Variants in SEC61A1 observed in about 807,000 individuals in gnomAD.
SEC61A1 encodes protein transport protein Sec61 subunit alpha isoform 1.
A neutral mutation model predicts 55.2 loss-of-function variants in SEC61A1; 15 were observed. The ratio of observed to expected loss-of-function variants is 0.27; its 90% CI spans 0.18 to 0.42. The LOEUF is 0.42. SEC61A1 is among the 10% of genes least tolerant of loss of function. SEC61A1 has a pLI of 1.00. For synonymous variants in SEC61A1, 247 were observed against 234.0 expected (o/e 1.06, Z -0.51); for missense variants, 284 against 602.6 (o/e 0.47, Z 5.53).
intron 5 of SEC61A1, 94 bp downstream of exon 5, chr3:128,056,934 T>A (rs1410629118): frequency 4.2e-6 from 4 of 945,360 alleles, no homozygotes; most frequent in East Asian, 3.4e-5. Context: ...TTATTTATTT[T>A]TTATTTTTTT....
In SEC61A1 at chr3:128,067,870, T is replaced by G; in HGVS notation, c.1168-113T>G. ...CTTGCGGCAGTTTTAAAGTTCTCTG[T>G]ATGAATATTGTCAGTGCTCGAAGAG... is the stretch of plus-strand genomic sequence containing the variant. On this transcript the variant is annotated intron_variant, in intron 10 of 11. Coordinates refer to ENST00000243253, the MANE Select transcript of SEC61A1 (RefSeq NM_013336.4). This position sits in a 1 kb window ranked among gnomAD's most constrained non-coding sequence, Gnocchi z 4.1. The G allele has an allele frequency of 2.3e-6, 2 of 856,318 alleles. No homozygotes were observed. The highest frequency in any genetic ancestry group is 3.9e-6 in the Non-Finnish European group (2 of 513,500). The allele number at this position is 856,318 out of a possible 1,614,324, so 53.0% of individuals were successfully genotyped here.
At position 128,071,095 on chromosome 3, in the gene SEC61A1, C is replaced by T. The variant is rs2107656806; in HGVS notation, c.*1433C>T. 1 of 152,512 alleles carries T rather than the reference C, an allele frequency of 6.6e-6. No homozygotes were observed. Among genetic ancestry groups the T allele is most frequent in the East Asian group, 1.9e-4 (1 of 5,194 alleles). 9.4% of individuals were successfully genotyped at this position (152,512 alleles called of 1,614,324 possible). A position where few individuals can be genotyped will look rare whatever the true frequency, so the allele number is the denominator to read the frequency against. On this transcript the variant is annotated 3_prime_UTR_variant, in exon 12 of 12. Transcript: ENST00000243253. ...CGGCAGCCTGCAAAGCACAGGGCCACCGCCACAGCCCGGCAGAGGGGCACA... is the reference window on the plus strand; with the variant it reads ...CGGCAGCCTGCAAAGCACAGGGCCATCGCCACAGCCCGGCAGAGGGGCACA...
intron 5 of SEC61A1, among the ~76,000 whole-genome samples, chr3:128,059,026 T>C (rs1271759655): frequency 1.3e-5 from 2 of 151,880 alleles, no homozygotes; most frequent in Admixed American, 6.6e-5. Flanking sequence ...GGAGTAAAAT[T>C]AATTTTACAT....
intron 1 of SEC61A1, 110 bp downstream of exon 1, chr3:128,052,669 C>T: frequency 6.5e-7 from 1 of 1,534,824 alleles, no homozygotes; most frequent in South Asian, 1.2e-5. Flanking sequence ...CCCTGCAGAA[C>T]GCGGCCCGTG....
rs1447370699 is a variant in SEC61A1 at position 128,067,905 on chromosome 3, A to G, written c.1168-78A>G. The G allele has an allele frequency of 2.6e-6, 3 of 1,132,744 alleles. No homozygotes were observed. The highest frequency in any genetic ancestry group is 4.0e-6 in the Non-Finnish European group (3 of 745,362). The allele number at this position is 1,132,744 out of a possible 1,614,324, so 70.2% of individuals were successfully genotyped here. A position where few individuals can be genotyped will look rare whatever the true frequency, so the allele number is the denominator to read the frequency against. ...GTCAGTGCTCGAAGAGGCGATCTGT[A>G]ACTGTTCAGTACCACTTGGAATGCC... is the stretch of plus-strand genomic sequence containing the variant. On this transcript the variant is annotated intron_variant, in intron 10 of 11. Transcript: ENST00000243253. The surrounding 1 kb of genome is among the most constrained non-coding windows in gnomAD (Gnocchi z 4.1).
At position 128,067,044 on chromosome 3, in the gene SEC61A1, C is replaced by T; in HGVS notation, c.868C>T (p.Pro290Ser). The T allele has an allele frequency of 6.2e-7, 1 of 1,614,202 alleles. No individual in the cohort carries two copies. Among genetic ancestry groups the T allele is most frequent in the Middle Eastern group, 1.6e-4 (1 of 6,062 alleles). Residue 290 changes from proline to serine, a missense_variant, in exon 9 of 12, where the codon CCC (proline) becomes TCC (serine). Coordinates refer to ENST00000243253, the MANE Select transcript of SEC61A1 (RefSeq NM_013336.4). The surrounding 1 kb of genome is among the most constrained non-coding windows in gnomAD (Gnocchi z 4.1). ...PIKLFYTSNI[P>S]IILQSALVSN... ...CAAGCTCTTCTATACGTCCAACATCCCCATCATCCTGCAGTCTGCCCTGGT... is the reference window on the plus strand; with the variant it reads ...CAAGCTCTTCTATACGTCCAACATCTCCATCATCCTGCAGTCTGCCCTGGT...
intron 11 of SEC61A1, among the ~76,000 whole-genome samples, 159 bp from the exon 12 acceptor site, chr3:128,069,317 C>T (rs1467400418): frequency 6.6e-6 from 1 of 152,220 alleles, no homozygotes; most frequent in Non-Finnish European, 1.5e-5. Context: ...ACAGCAGCGC[C>T]TTGGCCTAGA....
Position 128,067,339 on chromosome 3 carries a change from T to A in SEC61A1, c.976-82T>A. The A allele has an allele frequency of 6.9e-7, 1 of 1,448,266 alleles. No individual in the cohort carries two copies. Among genetic ancestry groups the A allele is most frequent in the Non-Finnish European group, 9.4e-7 (1 of 1,063,278 alleles). The allele number at this position is 1,448,266 out of a possible 1,614,324, so 89.7% of individuals were successfully genotyped here. A position where few individuals can be genotyped will look rare whatever the true frequency, so the allele number is the denominator to read the frequency against. ...GGGCACCGAGTAAAATTGCATTCTT[T>A]CATCTGCTCAGAACTATTTTTGCCT... On this transcript the variant is annotated intron_variant, in intron 9 of 11. Transcript: ENST00000243253. The surrounding 1 kb of genome is among the most constrained non-coding windows in gnomAD (Gnocchi z 4.1).
At chr3:128,052,930 A>T (rs776168805) in intron 2 of SEC61A1, 28 bp downstream of exon 2, 15 of 1,581,520 alleles carry the variant, frequency 9.5e-6, no homozygotes, top group Non-Finnish European at 1.3e-5. Flanking sequence ...CCAACAAAGA[A>T]GGTTTCAGGA....
At chr3:128,068,099 ACATGTGTTGTTTCTTTC>A in intron 11 of SEC61A1, 40 bp downstream of exon 11, 1 of 1,540,688 alleles carries the variant, frequency 6.5e-7, no homozygotes, top group African/African-American at 1.4e-5. Flanking sequence ...CCGTCTGTGG[ACATGTGTTGTTTCTTTC>A]CATGCAGGGC....
Position 128,070,825 on chromosome 3 carries a change from G to T in SEC61A1, c.*1163G>T. ...GGAATAAGTTCTGTTTGTGCTGACAGGTGGCCTAGGTCCTGGAGATGAGCA... is the reference window on the plus strand; with the variant it reads ...GGAATAAGTTCTGTTTGTGCTGACATGTGGCCTAGGTCCTGGAGATGAGCA... On this transcript the variant is annotated 3_prime_UTR_variant, in exon 12 of 12. Transcript: ENST00000243253. The T allele has an allele frequency of 6.6e-6, 1 of 152,546 alleles. No individual in the cohort carries two copies. Among genetic ancestry groups the T allele is most frequent in the Non-Finnish European group, 1.5e-5 (1 of 68,180 alleles). The allele number at this position is 152,546 out of a possible 1,614,324, so 9.4% of individuals were successfully genotyped here. A position where few individuals can be genotyped will look rare whatever the true frequency, so the allele number is the denominator to read the frequency against.
At chr3:128,052,804 A>G (rs1312343460) in intron 1 of SEC61A1, 31 bp from the exon 2 acceptor site, 3 of 1,599,338 alleles carry the variant, frequency 1.9e-6, no homozygotes, top group South Asian at 1.1e-5. Context: ...TCTGTGTCCC[A>G]ACTCTTCCTG....
At position 128,052,943 on chromosome 3, in the gene SEC61A1, CTG is replaced by C. The variant is rs755436410; in HGVS notation, c.75+43_75+44del. On this transcript the variant is annotated intron_variant, in intron 2 of 11. Coordinates refer to ENST00000243253, the MANE Select transcript of SEC61A1 (RefSeq NM_013336.4). The stretch of plus-strand genomic sequence containing the variant: ...CGCCAACAAAGAAGGTTTCAGGAAA[CTG>C]TCTGGACTCTGGAAGTTTACAGTAT... 6.0e-6 allele frequency: 9 copies of C among 1,489,494 alleles called. No individual in the cohort carries two copies. In the African/African-American group the frequency reaches 9.8e-5, roughly 16 times the overall value. The allele number at this position is 1,489,494 out of a possible 1,614,324, so 92.3% of individuals were successfully genotyped here.
intron 7 of SEC61A1, among the ~76,000 whole-genome samples, chr3:128,063,618 A>T (rs182620264): frequency 1.3e-3 from 205 of 152,320 alleles, no homozygotes; most frequent in African/African-American, 4.7e-3. Flanking sequence ...TACAGGCGTG[A>T]GCCACCACGC....
In SEC61A1 at chr3:128,069,527, G is replaced by C. The variant is rs750919679; in HGVS notation, c.1296G>C (p.Ser432=). ...AFGGLCIGAL[S]VLADFLGAIG... is the part of the protein sequence containing the mutation. ...GTGGGCTGTGCATCGGGGCCCTCTC[G>C]GTCCTGGCTGACTTCCTAGGCGCCA... The change falls in exon 12 of 12, where the codon TCG becomes TCC. Residue 432 remains serine, a synonymous_variant. Coordinates refer to ENST00000243253, the MANE Select transcript of SEC61A1 (RefSeq NM_013336.4). 6.2e-7 allele frequency: 1 copy of C among 1,613,888 alleles called. No homozygotes were observed. Among genetic ancestry groups the C allele is most frequent in the Non-Finnish European group, 8.5e-7 (1 of 1,180,042 alleles).
intron 7 of SEC61A1, among the ~76,000 whole-genome samples, chr3:128,064,228 T>A (rs922887590): frequency 2.6e-5 from 4 of 152,246 alleles, no homozygotes; most frequent in African/African-American, 9.6e-5. Flanking sequence ...CTTCAGTGGA[T>A]GACCCCTTTC....
Position 128,071,124 on chromosome 3 carries a change from T to G in SEC61A1, c.*1462T>G, listed in dbSNP as rs1942156048. On this transcript the variant is annotated 3_prime_UTR_variant, in exon 12 of 12. Transcript: ENST00000243253. ...CACAGCCCGGCAGAGGGGCACACTCTGGAGACCTTGCTGGCAGTGCTAGCC... is the reference window on the plus strand; with the variant it reads ...CACAGCCCGGCAGAGGGGCACACTCGGGAGACCTTGCTGGCAGTGCTAGCC... 6.6e-6 allele frequency: 1 copy of G among 152,356 alleles called. No homozygotes were observed. The allele number at this position is 152,356 out of a possible 1,614,324, so 9.4% of individuals were successfully genotyped here. A position where few individuals can be genotyped will look rare whatever the true frequency, so the allele number is the denominator to read the frequency against.
Position 128,067,723 on chromosome 3 carries a change from G to A in SEC61A1, c.1167+111G>A, listed in dbSNP as rs41266493. 4.8e-3 allele frequency: 4,437 copies of A among 926,024 alleles called. 29 individuals carry two copies. Among genetic ancestry groups the A allele is most frequent in the Non-Finnish European group, 4.9e-3 (2,980 of 614,118 alleles). 57.4% of individuals were successfully genotyped at this position (926,024 alleles called of 1,614,324 possible). A position where few individuals can be genotyped will look rare whatever the true frequency, so the allele number is the denominator to read the frequency against. ...GGTCTGTGACGTGTGCAGATAGATCGTCGTCCTTTAGGGGGCAGTTCAGAA... is the reference window on the plus strand; with the variant it reads ...GGTCTGTGACGTGTGCAGATAGATCATCGTCCTTTAGGGGGCAGTTCAGAA... On this transcript the variant is annotated intron_variant, in intron 10 of 11. Transcript: ENST00000243253. The surrounding 1 kb of genome is among the most constrained non-coding windows in gnomAD (Gnocchi z 4.1).
chr3:128,055,185 A>G (rs903738614), intron 2 of SEC61A1, among the ~76,000 whole-genome samples: 3 of 152,232 alleles, frequency 2.0e-5, no homozygotes, highest in Non-Finnish European at 4.4e-5. Flanking sequence ...TAATGGTTAA[A>G]AGCACAGTTT....
Sources: gnomAD v4.1 joint callset for allele counts (sites outside exome capture counted in the v4.1 genomes callset) on GRCh38, gnomAD v4.1.1 for gene constraint, Gnocchi (gnomAD v3.1) non-coding constraint, MANE v1.5 for transcripts, NCBI Gene and HGNC (gene_info 2026-07-23, HGNC 2026-07-21) for gene names.